Variants in TRNAU1AP observed in about 807,000 individuals in gnomAD.
The protein encoded by TRNAU1AP is tRNA selenocysteine 1 associated protein 1, also known as tRNA selenocysteine 1-associated protein 1.
Under a neutral mutation model 43.3 loss-of-function variants are expected in TRNAU1AP, and 33 were observed. The observed-to-expected ratio is 0.76, with a 90% CI of 0.58 to 1.02. The LOEUF is 1.02. TRNAU1AP is among the 50% of genes least tolerant of loss of function. TRNAU1AP has a pLI of 0.00. For missense variants in TRNAU1AP, 290 were observed against 362.7 expected, an observed-to-expected ratio of 0.80 and a Z score of 1.63; for synonymous variants, 143 against 129.1, an observed-to-expected ratio of 1.11 and a Z score of -0.73.
chr1:28,564,040 G>A (rs969422080), intron 4 of TRNAU1AP, among the ~76,000 whole-genome samples: 21 of 152,120 alleles, frequency 1.4e-4, no homozygotes, highest in African/African-American at 5.1e-4. Flanking sequence ...TGAGGCAGGT[G>A]GATCATTTGA....
In TRNAU1AP at chr1:28,553,670, T is replaced by G; in HGVS notation, c.58T>G (p.Ser20Ala). ...ACCCTACATGGATGAGAACTTCATC[T>G]CCAGAGCCTTTGCCACCATGGGGGA... is the stretch of plus-strand genomic sequence containing the variant. Reference protein sequence around the residue: ...LEPYMDENFISRAFATMGETV... With the variant: ...LEPYMDENFIARAFATMGETV... Residue 20 changes from serine (S) to alanine (A), a missense_variant, in exon 2 of 9, where the codon TCC becomes GCC. Transcript: ENST00000373830. 1 of 1,614,134 alleles carries G rather than the reference T, an allele frequency of 6.2e-7. No individual in the cohort carries two copies. The highest frequency in any genetic ancestry group is 1.3e-5 in the African/African-American group (1 of 75,040).
intron 8 of TRNAU1AP, among the ~76,000 whole-genome samples, chr1:28,574,344 T>C (rs558318608): frequency 1.7e-4 from 26 of 152,028 alleles, no homozygotes; most frequent in Non-Finnish European, 3.5e-4. Flanking sequence ...CGCCTCAGCC[T>C]CCCAAAGTGC....
In TRNAU1AP at chr1:28,577,869, T is replaced by C. The variant is rs905072482; in HGVS notation, c.*233T>C. On this transcript the variant is annotated 3_prime_UTR_variant, in exon 9 of 9. Coordinates refer to ENST00000373830, the MANE Select transcript of TRNAU1AP (RefSeq NM_017846.5). ...TGGTTTCCTTCACAGGAATCCTTTG[T>C]CCAGGTAGTTATCCACATAGGACAG... 8.2e-6 allele frequency: 4 copies of C among 485,518 alleles called. No individual in the cohort carries two copies. The highest frequency in any genetic ancestry group is 1.5e-5 in the Non-Finnish European group (4 of 271,556). 30.1% of individuals were successfully genotyped at this position (485,518 alleles called of 1,614,324 possible). A position where few individuals can be genotyped will look rare whatever the true frequency, so the allele number is the denominator to read the frequency against.
At chr1:28,563,185 C>T (rs1002990554) in intron 4 of TRNAU1AP, among the ~76,000 whole-genome samples, 4 of 151,716 alleles carry the variant, frequency 2.6e-5, no homozygotes, top group African/African-American at 9.7e-5. Context: ...TGAGCCACTG[C>T]GCCTGGCCTT....
intron 8 of TRNAU1AP, among the ~76,000 whole-genome samples, chr1:28,575,291 A>G (rs903016984): frequency 7.2e-5 from 11 of 151,902 alleles, no homozygotes; most frequent in African/African-American, 2.7e-4. Flanking sequence ...AATAGCTGGG[A>G]CTACAGATGC....
chr1:28,572,899 G>A (rs1665692303), intron 8 of TRNAU1AP, among the ~76,000 whole-genome samples: 1 of 151,480 alleles, frequency 6.6e-6, no homozygotes, highest in Admixed American at 6.6e-5. Flanking sequence ...CGCACCAATG[G>A]GCTCCAGCCT....
chr1:28,563,683 C>CAA (rs879687976), intron 4 of TRNAU1AP, among the ~76,000 whole-genome samples: 7 of 109,534 alleles, frequency 6.4e-5, no homozygotes, highest in Middle Eastern at 0.01. Flanking sequence ...GACTCCGTCT[C>CAA]AAAAAAAAAA....
At chr1:28,564,065 G>A (rs1285691034) in intron 4 of TRNAU1AP, among the ~76,000 whole-genome samples, 2 of 152,106 alleles carry the variant, frequency 1.3e-5, no homozygotes, top group African/African-American at 4.8e-5. Context: ...AGGAATTTGA[G>A]ACCAGCGTGG....
rs1477081659 is a variant in TRNAU1AP at position 28,578,538 on chromosome 1, T to C, written c.*902T>C. On this transcript the variant is annotated 3_prime_UTR_variant, in exon 9 of 9. Transcript: ENST00000373830. ...CTACAAAAAAATACAAACACAAATA[T>C]ACTTTTATTAGTCTTTTTATTCTTC... 1.5e-5 allele frequency: 5 copies of C among 339,648 alleles called. No individual in the cohort carries two copies. The East Asian group carries it at 3.5e-4, about 23-fold the overall frequency. 21.0% of individuals were successfully genotyped at this position (339,648 alleles called of 1,614,324 possible).
intron 3 of TRNAU1AP, 75 bp downstream of exon 3, chr1:28,560,807 G>A (rs957267120): frequency 1.6e-6 from 2 of 1,218,522 alleles, no homozygotes; most frequent in Non-Finnish European, 2.3e-6. Flanking sequence ...AATCCCTACT[G>A]TATACTTATT....
chr1:28,577,857 A>G lies in TRNAU1AP; in HGVS notation c.*221A>G, dbSNP rs1665834532. 1.9e-6 allele frequency: 1 copy of G among 519,228 alleles called. No individual in the cohort carries two copies. The highest frequency in any genetic ancestry group is 3.4e-6 in the Non-Finnish European group (1 of 294,678). 32.2% of individuals were successfully genotyped at this position (519,228 alleles called of 1,614,324 possible). On this transcript the variant is annotated 3_prime_UTR_variant, in exon 9 of 9. Transcript: ENST00000373830. ...CAAGGTTCAAATTGGTTTCCTTCAC[A>G]GGAATCCTTTGTCCAGGTAGTTATC... is the stretch of plus-strand genomic sequence containing the variant.
chr1:28,572,076 A>T (rs1665673310), intron 8 of TRNAU1AP, among the ~76,000 whole-genome samples, 176 bp downstream of exon 8: 1 of 152,144 alleles, frequency 6.6e-6, no homozygotes, highest in Non-Finnish European at 1.5e-5. Flanking sequence ...TGTTACCCAG[A>T]GGTGTAAGTG....
chr1:28,557,899 ATT>A (rs58464316), intron 2 of TRNAU1AP, among the ~76,000 whole-genome samples: 3 of 133,494 alleles, frequency 2.2e-5, no homozygotes, highest in Non-Finnish European at 3.3e-5. Flanking sequence ...CACCCAGCTA[ATT>A]TTTTTTTTTT....
At chr1:28,563,926 G>A (rs1031159344) in intron 4 of TRNAU1AP, among the ~76,000 whole-genome samples, 1 of 152,012 alleles carries the variant, frequency 6.6e-6, no homozygotes, top group Non-Finnish European at 1.5e-5. Flanking sequence ...TCCTATAATA[G>A]GAGTTGGTAA....
At chr1:28,571,410 T>C in intron 7 of TRNAU1AP, 72 bp downstream of exon 7, 1 of 1,526,074 alleles carries the variant, frequency 6.6e-7, no homozygotes, top group East Asian at 2.3e-5. Flanking sequence ...TTCTCTAGGA[T>C]GGGATTGGTA....
chr1:28,553,546 G>A, intron 1 of TRNAU1AP, 94 bp from the exon 2 acceptor site: 3 of 1,205,550 alleles, frequency 2.5e-6, no homozygotes, highest in Non-Finnish European at 3.6e-6. Flanking sequence ...CCAGCGGCGC[G>A]TAGCCAGCCC....
chr1:28,567,249 C>T, intron 5 of TRNAU1AP, 45 bp from the exon 6 acceptor site: 4 of 1,603,116 alleles, frequency 2.5e-6, no homozygotes, highest in Admixed American at 1.7e-5. Context: ...CATTCTTAGA[C>T]TTTAATCACA....
intron 6 of TRNAU1AP, among the ~76,000 whole-genome samples, chr1:28,568,661 T>G (rs777320129): frequency 6.6e-6 from 1 of 152,150 alleles, no homozygotes; most frequent in Non-Finnish European, 1.5e-5. Flanking sequence ...TGGAGACATT[T>G]TTGGTTATCA....
intron 5 of TRNAU1AP, among the ~76,000 whole-genome samples, chr1:28,566,981 T>C (rs1441013395): frequency 1.3e-5 from 2 of 152,250 alleles, no homozygotes; most frequent in African/African-American, 4.8e-5. Flanking sequence ...TGAGTTACTT[T>C]CCAGCAGGGT....
Sources: gnomAD v4.1 joint callset for allele counts (sites outside exome capture counted in the v4.1 genomes callset) on GRCh38, gnomAD v4.1.1 for gene constraint, MANE v1.5 for transcripts, NCBI Gene and HGNC (gene_info 2026-07-23, HGNC 2026-07-21) for gene names.